Variants in PLIN5 observed in about 807,000 individuals in gnomAD.
PLIN5 encodes the protein perilipin-5.
A neutral mutation model predicts 32.8 loss-of-function variants in PLIN5; 34 were observed. That is an observed-to-expected ratio of 1.04 (90% CI 0.79 to 1.38). The LOEUF (loss-of-function observed/expected upper bound fraction) is 1.38. Among genes scored for constraint, PLIN5 ranks in the 40% most tolerant of loss-of-function variants. The probability of loss-of-function intolerance (pLI) is 0.00; values close to 1 mark genes in which losing one functional copy is unlikely to be tolerated. For synonymous variants in PLIN5, 309 were observed against 292.9 expected, an observed-to-expected ratio of 1.05 and a Z score of -0.56; for missense variants, 712 against 660.5, an observed-to-expected ratio of 1.08 and a Z score of -0.85.
Position 4,523,374 on chromosome 19 carries a change from T to G in PLIN5, c.*154A>C. The G allele has an allele frequency of 1.2e-6, 1 of 846,394 alleles. No individual in the cohort carries two copies. The highest frequency in any genetic ancestry group is 1.7e-6 in the Non-Finnish European group (1 of 584,998). 52.4% of individuals were successfully genotyped at this position (846,394 alleles called of 1,614,324 possible). ...TGTGTTCAAGGAAAAAATGGGAGAG[T>G]CCAATACCAAAAAGGTGGTCAGAGA... On this transcript the variant is annotated 3_prime_UTR_variant, in exon 8 of 8. Transcript: ENST00000381848. The surrounding 1 kb of genome is among the most constrained non-coding windows in gnomAD (Gnocchi z 5.0).
In PLIN5 at chr19:4,531,763, G is replaced by A. The variant is rs752979298; in HGVS notation, c.120C>T (p.Cys40=). The A allele has an allele frequency of 4.6e-5, 74 of 1,598,464 alleles. No homozygotes were observed. In the Admixed American group the frequency reaches 5.9e-4, roughly 13 times the overall value. Residue 40 remains cysteine (C), a synonymous_variant, in exon 3 of 8, where the codon TGC becomes TGT. Transcript: ENST00000381848. The part of the protein sequence containing the change: ...PLVRATCTAV[C]DVYSAAKDRH... ...TGTCCTTGGCTGCACTGTAAACATC[G>A]CAGACCGCGGTGCACGTGGCCCTGA...
In PLIN5 at chr19:4,524,099, G is replaced by A; in HGVS notation, c.835-14C>T. 13 of 1,401,660 alleles carry A rather than the reference G, an allele frequency of 9.3e-6. No homozygotes were observed. Among genetic ancestry groups the A allele is most frequent in the East Asian group, 2.8e-5 (1 of 35,090 alleles). The allele number at this position is 1,401,660 out of a possible 1,614,324, so 86.8% of individuals were successfully genotyped here. A position where few individuals can be genotyped will look rare whatever the true frequency, so the allele number is the denominator to read the frequency against. ...CTCCAGCTCTGCCTGCAGGGGGCGG[G>A]GACCTCAGTTTCCCCTATGGACGCC... On this transcript the variant is annotated splice_polypyrimidine_tract_variant and intron_variant, in intron 7 of 7. Coordinates refer to ENST00000381848, the MANE Select transcript of PLIN5 (RefSeq NM_001013706.3).
chr19:4,527,074 G>C (rs370879737), intron 5 of PLIN5, among the ~76,000 whole-genome samples: 1 of 148,392 alleles, frequency 6.7e-6, no homozygotes, highest in Non-Finnish European at 1.5e-5. Context: ...CCATCTCTAA[G>C]AAAAAAAATT....
rs117277377 is a variant in PLIN5, at chr19:4,523,849, G to A, written c.1071C>T (p.Cys357=). 7,490 of 1,565,008 alleles carry A rather than the reference G, an allele frequency of 4.8e-3. 411 individuals are homozygous for A. In the Admixed American group the frequency reaches 0.12, roughly 24 times the overall value. The change falls in exon 8 of 8, where the codon TGC becomes TGT. Residue 357 remains cysteine (C), a synonymous_variant. Transcript: ENST00000381848. The surrounding 1 kb of genome is among the most constrained non-coding windows in gnomAD (Gnocchi z 5.0). ...GRGRVAHAHA[C]VDELLELVVQ... ...CCACCAGCTCCAGCAGCTCGTCCAC[G>A]CAGGCGTGCGCGTGGGCCACGCGAC...
chr19:4,528,002 C>T (rs1039338500), intron 5 of PLIN5, among the ~76,000 whole-genome samples: 103 of 151,722 alleles, frequency 6.8e-4, no homozygotes, highest in African/African-American at 2.4e-3. Context: ...CTCCACCCCC[C>T]GGGTTCACGC....
chr19:4,523,656 C>A lies in PLIN5; in HGVS notation c.1264G>T (p.Glu422Ter). Residue 422 changes from glutamate (E) to a stop codon, truncating the protein, a stop_gained, in exon 8 of 8, where the codon GAG becomes TAG. Transcript: ENST00000381848. LOFTEE classifies it low-confidence loss of function (END_TRUNC). The surrounding 1 kb of genome is among the most constrained non-coding windows in gnomAD (Gnocchi z 5.0). ...WPAQQRAWEA[E>*]HRDGSGNGDG... The stretch of plus-strand genomic sequence containing the variant: ...CCATTCCCACTCCCGTCCCTGTGCT[C>A]TGCCTCCCAGGCTCTCTGCTGGGCC... The A allele has an allele frequency of 6.2e-7, 1 of 1,610,758 alleles. No homozygotes were observed. The highest frequency in any genetic ancestry group is 8.5e-7 in the Non-Finnish European group (1 of 1,179,816).
At position 4,522,997 on chromosome 19, in the gene PLIN5, C is replaced by CCG. The variant is rs932076453; in HGVS notation, c.*529_*530dup. ...GCGCGATCTCTGCTCACTGCAAGCT[C>CCG]CGCGCCTCTCGGGTTTAAGCAATTC... On this transcript the variant is annotated 3_prime_UTR_variant, in exon 8 of 8. Transcript: ENST00000381848. 6.6e-6 allele frequency: 1 copy of CCG among 152,442 alleles called. No individual in the cohort carries two copies. Among genetic ancestry groups the CCG allele is most frequent in the Non-Finnish European group, 1.5e-5 (1 of 68,166 alleles). 9.4% of individuals were successfully genotyped at this position (152,442 alleles called of 1,614,324 possible).
At chr19:4,534,327 T>C (rs902401783) in intron 1 of PLIN5, 12 of 537,900 alleles carry the variant, frequency 2.2e-5, no homozygotes, top group African/African-American at 1.9e-4. Flanking sequence ...AAGCATGGTC[T>C]CTGAGGTGAG....
intron 5 of PLIN5, among the ~76,000 whole-genome samples, chr19:4,528,131 G>A (rs942384572): frequency 1.3e-5 from 2 of 151,914 alleles, no homozygotes; most frequent in African/African-American, 2.4e-5. Context: ...GGATGGTCTC[G>A]ATCTCCTGAC....
rs1976768260 is a variant in PLIN5 at position 4,524,045 on chromosome 19, T to C, written c.875A>G (p.Gln292Arg). ...AGCCTCTACCGTGCCCTGCAGCTCCTGGGTCAGGCTGCGGGACAGCACCAG... is the reference window on the plus strand; with the variant it reads ...AGCCTCTACCGTGCCCTGCAGCTCCCGGGTCAGGCTGCGGGACAGCACCAG... Reference protein sequence around the residue: ...ETLVLSRSLTQELQGTVEALE... With the variant: ...ETLVLSRSLTRELQGTVEALE... Residue 292 changes from glutamine to arginine, a missense_variant, in exon 8 of 8, where the codon CAG (glutamine) becomes CGG (arginine). Coordinates refer to ENST00000381848, the MANE Select transcript of PLIN5 (RefSeq NM_001013706.3). 2 of 1,475,130 alleles carry C rather than the reference T, an allele frequency of 1.4e-6. No homozygotes were observed. The highest frequency in any genetic ancestry group is 1.5e-5 in the African/African-American group (1 of 68,538). 91.4% of individuals were successfully genotyped at this position (1,475,130 alleles called of 1,614,324 possible).
In PLIN5 at chr19:4,525,969, G is replaced by A; in HGVS notation, c.521-137C>T. On this transcript the variant is annotated intron_variant, in intron 5 of 7. Transcript: ENST00000381848. This position sits in a 1 kb window ranked among gnomAD's most constrained non-coding sequence, Gnocchi z 5.6. ...CGGGGACAGCACGGGGACAGCATGG[G>A]GTCAGCACAGCCACCCACCCCCTCC... 2 of 861,794 alleles carry A rather than the reference G, an allele frequency of 2.3e-6. No homozygotes were observed. Among genetic ancestry groups the A allele is most frequent in the Non-Finnish European group, 3.6e-6 (2 of 556,976 alleles). 53.4% of individuals were successfully genotyped at this position (861,794 alleles called of 1,614,324 possible).
Position 4,525,754 on chromosome 19 carries a change from C to G in PLIN5, c.599G>C (p.Arg200Pro), listed in dbSNP as rs768586149. Reference protein sequence around the residue: ...DQRRQQGYFVRLGSLSARIRH... With the variant: ...DQRRQQGYFVPLGSLSARIRH... ...GATCCGTGCTGACAGGGAGCCGAGGCGCACAAAGTAGCCCTGCTGTCTCCT... is the reference window on the plus strand; with the variant it reads ...GATCCGTGCTGACAGGGAGCCGAGGGGCACAAAGTAGCCCTGCTGTCTCCT... Residue 200 changes from arginine to proline, a missense_variant, in exon 6 of 8, where the codon CGC (arginine) becomes CCC (proline). Arg to Pro is a moderately radical substitution (Grantham distance 103, BLOSUM62 -2). Coordinates refer to ENST00000381848, the MANE Select transcript of PLIN5 (RefSeq NM_001013706.3). This position sits in a 1 kb window ranked among gnomAD's most constrained non-coding sequence, Gnocchi z 5.6. The G allele has an allele frequency of 6.2e-7, 1 of 1,613,532 alleles. No homozygotes were observed. The highest frequency in any genetic ancestry group is 1.1e-5 in the South Asian group (1 of 91,092).
Position 4,523,265 on chromosome 19 carries a change from A to T in PLIN5, c.*263T>A, listed in dbSNP as rs2145319914. ...GATTCGCTTCATGGAGCCAGGGAGC[A>T]GGACATAGGTGAAGAACCCAGCTTG... On this transcript the variant is annotated 3_prime_UTR_variant, in exon 8 of 8. Transcript: ENST00000381848. This position sits in a 1 kb window ranked among gnomAD's most constrained non-coding sequence, Gnocchi z 5.0. 1 of 400,606 alleles carries T rather than the reference A, an allele frequency of 2.5e-6. No homozygotes were observed. Among genetic ancestry groups the T allele is most frequent in the African/African-American group, 2.1e-5 (1 of 48,198 alleles). The allele number at this position is 400,606 out of a possible 1,614,324, so 24.8% of individuals were successfully genotyped here.
chr19:4,524,630 G>C (rs1237222329), intron 7 of PLIN5, among the ~76,000 whole-genome samples: 1 of 152,168 alleles, frequency 6.6e-6, no homozygotes, highest in Non-Finnish European at 1.5e-5. Flanking sequence ...TGTGGAGGGA[G>C]GGAAAGCGAG....
chr19:4,527,380 A>G (rs1976817696), intron 5 of PLIN5, among the ~76,000 whole-genome samples: 1 of 151,702 alleles, frequency 6.6e-6, no homozygotes, highest in Non-Finnish European at 1.5e-5. Flanking sequence ...CCTAAAAAAA[A>G]ATTTTTAAAT....
intron 7 of PLIN5, 89 bp from the exon 8 acceptor site, chr19:4,524,174 G>T: frequency 7.8e-7 from 1 of 1,281,364 alleles, no homozygotes; most frequent in Non-Finnish European, 1.0e-6. Context: ...CCACAGTGGA[G>T]CTGTCAACCT....
In PLIN5 at chr19:4,525,908, G is replaced by A. The variant is rs552340077; in HGVS notation, c.521-76C>T. 24 of 528,440 alleles carry A rather than the reference G, an allele frequency of 4.5e-5. No homozygotes were observed. The highest frequency in any genetic ancestry group is 7.1e-5 in the Non-Finnish European group (21 of 297,282). 32.7% of individuals were successfully genotyped at this position (528,440 alleles called of 1,614,324 possible). A position where few individuals can be genotyped will look rare whatever the true frequency, so the allele number is the denominator to read the frequency against. On this transcript the variant is annotated intron_variant, in intron 5 of 7. Coordinates refer to ENST00000381848, the MANE Select transcript of PLIN5 (RefSeq NM_001013706.3). The surrounding 1 kb of genome is among the most constrained non-coding windows in gnomAD (Gnocchi z 5.6). ...CGGGGACAGGATACGGGGACAGCAC[G>A]GGGACAGGATACGGGGACAGCACGG...
At chr19:4,530,243 T>C (rs1476344308) in intron 3 of PLIN5, among the ~76,000 whole-genome samples, 2 of 152,264 alleles carry the variant, frequency 1.3e-5, no homozygotes, top group East Asian at 3.9e-4. Flanking sequence ...CACTGCCTCC[T>C]CTGCCATCCT....
intron 4 of PLIN5, chr19:4,529,456 G>C: frequency 1.7e-6 from 1 of 585,616 alleles, no homozygotes; most frequent in South Asian, 2.2e-5. Flanking sequence ...CAATACATAT[G>C]TATACACACA....
Sources: allele counts gnomAD v4.1 joint callset (sites outside exome capture counted in the v4.1 genomes callset), GRCh38; gene constraint gnomAD v4.1.1; non-coding constraint Gnocchi (gnomAD v3.1); transcripts MANE v1.5; gene names NCBI Gene and HGNC (gene_info 2026-07-23, HGNC 2026-07-21).